Variants in MBNL2 observed in about 807,000 individuals in gnomAD.
The protein encoded by MBNL2 is muscleblind-like protein 2.
In MBNL2, 17 loss-of-function variants were observed where a neutral mutation model predicts 41.9. That is an observed-to-expected ratio of 0.41 (90% CI 0.28 to 0.61). The LOEUF (loss-of-function observed/expected upper bound fraction) is 0.61, where lower values mean the gene tolerates loss of function less well. MBNL2 is among the 20% of genes least tolerant of loss of function. The pLI is 0.35. For missense variants in MBNL2, 336 were observed against 505.6 expected (o/e 0.66, Z 3.22); for synonymous variants, 195 against 182.9 (o/e 1.07, Z -0.53).
chr13:97,258,859 G>T (rs925929590), intron 1 of MBNL2, among the ~76,000 whole-genome samples: 1 of 152,200 alleles, frequency 6.6e-6, no homozygotes, highest in Non-Finnish European at 1.5e-5. Context: ...TGCCTCAAGG[G>T]CTCAGGCCAG....
intron 1 of MBNL2, among the ~76,000 whole-genome samples, chr13:97,273,091 A>G (rs1458256871): frequency 6.6e-6 from 1 of 152,220 alleles, no homozygotes; most frequent in Non-Finnish European, 1.5e-5. Flanking sequence ...ATGCAACAGT[A>G]CCTATGTTTA....
intron 2 of MBNL2, among the ~76,000 whole-genome samples, chr13:97,316,247 T>C (rs2059041443): frequency 6.6e-6 from 1 of 152,170 alleles, no homozygotes. Context: ...GGAAATCCTA[T>C]TGGCTCCACC....
the MBNL2 span, among the ~76,000 whole-genome samples, chr13:97,204,604 A>G: frequency 6.6e-6 from 1 of 152,308 alleles, no homozygotes; most frequent in African/African-American, 2.4e-5. Flanking sequence ...AAAAAAAACT[A>G]TACTTTCTTA....
intron 1 of MBNL2, among the ~76,000 whole-genome samples, chr13:97,258,883 C>G (rs553348001): frequency 6.6e-6 from 1 of 152,322 alleles, no homozygotes; most frequent in East Asian, 1.9e-4. Context: ...AAGGCCTGCT[C>G]TCTGTGACCT....
At chr13:97,266,453 T>C (rs2049823627) in intron 1 of MBNL2, among the ~76,000 whole-genome samples, 1 of 152,220 alleles carries the variant, frequency 6.6e-6, no homozygotes, top group African/African-American at 2.4e-5. Context: ...CAGGCCCCAG[T>C]TAGGAGCCTC....
chr13:97,280,813 A>G (rs753642657), intron 2 of MBNL2, among the ~76,000 whole-genome samples: 46 of 152,260 alleles, frequency 3.0e-4, no homozygotes, highest in Non-Finnish European at 6.2e-4. Flanking sequence ...TCAGCCACAC[A>G]AAGAGCATGT....
At chr13:97,290,624 C>T (rs906494755) in intron 2 of MBNL2, among the ~76,000 whole-genome samples, 1 of 148,392 alleles carries the variant, frequency 6.7e-6, no homozygotes, top group Non-Finnish European at 1.5e-5. Context: ...TGCAGTGAGC[C>T]GAGATTGCGC....
intron 8 of MBNL2, among the ~76,000 whole-genome samples, chr13:97,371,512 G>A (rs1243571684): frequency 1.3e-5 from 2 of 152,068 alleles, no homozygotes; most frequent in Non-Finnish European, 2.9e-5. Flanking sequence ...TTGTGGGAGC[G>A]GCTGCAGCGT....
intron 8 of MBNL2, among the ~76,000 whole-genome samples, chr13:97,374,370 A>C (rs1428599658): frequency 6.6e-6 from 1 of 150,420 alleles, no homozygotes; most frequent in African/African-American, 2.5e-5. Context: ...GATGGTCTCG[A>C]TCTCCTGACC....
At chr13:97,267,404 C>T (rs935530338) in intron 1 of MBNL2, among the ~76,000 whole-genome samples, 2 of 152,170 alleles carry the variant, frequency 1.3e-5, no homozygotes, top group Non-Finnish European at 2.9e-5. Context: ...TACAGTTGAA[C>T]GGCACATCCT....
the MBNL2 span, among the ~76,000 whole-genome samples, chr13:97,159,225 G>A: frequency 6.6e-6 from 1 of 151,242 alleles, no homozygotes; most frequent in Non-Finnish European, 1.5e-5. Flanking sequence ...CAACCCCTGC[G>A]TTTTTTTGTT....
chr13:97,316,862 C>A (rs374601457), intron 2 of MBNL2, among the ~76,000 whole-genome samples: 5 of 152,346 alleles, frequency 3.3e-5, no homozygotes, highest in African/African-American at 1.2e-4. Flanking sequence ...TCTCCCCTAA[C>A]TAGAAGCTAA....
chr13:97,277,450 T>C lies in MBNL2; in HGVS notation c.174+1041T>C, dbSNP rs528455659. On this transcript the variant is annotated intron_variant, in intron 2 of 8. Transcript: ENST00000679496. The stretch of plus-strand genomic sequence containing the variant: ...TCTTGACATATGACTTGAGAAATTA[T>C]AGAGCTGTTAGTTTACAAAATAGTG... Among the ~76,000 whole-genome samples, 12 of 152,328 alleles carry C rather than the reference T, an allele frequency of 7.9e-5. No individual in the cohort carries two copies. The South Asian group carries it at 2.5e-3, about 32-fold the overall frequency.
chr13:97,183,187 A>T, the MBNL2 span, among the ~76,000 whole-genome samples: 1 of 152,042 alleles, frequency 6.6e-6, no homozygotes, highest in Non-Finnish European at 1.5e-5. Flanking sequence ...TTCTAATTTG[A>T]TTTTCTCTTC....
chr13:97,296,152 CTTTG>C (rs1014887969), intron 2 of MBNL2, among the ~76,000 whole-genome samples: 44 of 152,286 alleles, frequency 2.9e-4, no homozygotes, highest in African/African-American at 1.0e-3. Flanking sequence ...ATTTCCTCTC[CTTTG>C]TTTGATTTCT....
chr13:97,246,528 T>C (rs1414246972), intron 1 of MBNL2, among the ~76,000 whole-genome samples: 2 of 152,202 alleles, frequency 1.3e-5, no homozygotes, highest in Non-Finnish European at 2.9e-5. Flanking sequence ...TGACATTTTA[T>C]ATGTGTGTAA....
the MBNL2 span, among the ~76,000 whole-genome samples, chr13:97,216,090 T>C: frequency 6.6e-6 from 1 of 152,182 alleles, no homozygotes; most frequent in African/African-American, 2.4e-5. Context: ...CCTCTAGACC[T>C]ACTGGAGAAA....
At chr13:97,255,020 C>T (rs2047262781) in intron 1 of MBNL2, among the ~76,000 whole-genome samples, 1 of 152,168 alleles carries the variant, frequency 6.6e-6, no homozygotes, top group Admixed American at 6.5e-5. Context: ...AAATCATCAA[C>T]CTTAATGAAC....
chr13:97,206,942 C>G, the MBNL2 span, among the ~76,000 whole-genome samples: 1 of 152,168 alleles, frequency 6.6e-6, no homozygotes, highest in Admixed American at 6.5e-5. Flanking sequence ...TCAGTTTCCT[C>G]CTTTGAAAAA....
Sources: allele counts gnomAD v4.1 joint callset (sites outside exome capture counted in the v4.1 genomes callset), GRCh38; gene constraint gnomAD v4.1.1; transcripts MANE v1.5; gene names NCBI Gene and HGNC (gene_info 2026-07-23, HGNC 2026-07-21).